The following EPS8 variants were observed in gnomAD, a reference collection of about 807,000 sequenced individuals.
EPS8 encodes epidermal growth factor receptor kinase substrate 8.
A neutral mutation model predicts 103.8 loss-of-function variants in EPS8; 42 were observed. That is an observed-to-expected ratio of 0.40 (90% CI 0.32 to 0.52). The LOEUF (loss-of-function observed/expected upper bound fraction) is 0.52, where lower values mean the gene tolerates loss of function less well. Among genes scored for constraint, EPS8 ranks in the 20% least tolerant of loss-of-function variants. The pLI is 0.40. For missense variants in EPS8, 969 were observed against 1,005.1 expected, an observed-to-expected ratio of 0.96 and a Z score of 0.49; for synonymous variants, 344 against 344.6, an observed-to-expected ratio of 1.00 and a Z score of 0.02.
chr12:15,633,944 A>C (rs73311003), intron 17 of EPS8, among the ~76,000 whole-genome samples: 24,494 of 152,086 alleles, frequency 0.16, 5,600 homozygotes, highest in African/African-American at 0.51. Flanking sequence ...TCTTTACCTA[A>C]CACCCAACTA....
intron 1 of EPS8, among the ~76,000 whole-genome samples, chr12:15,782,541 C>G (rs1336936680): frequency 1.3e-5 from 2 of 151,808 alleles, no homozygotes; most frequent in African/African-American, 4.8e-5. Context: ...AAAACACAGA[C>G]AAACCACGTA....
At chr12:15,639,502 T>C (rs1282583731) in intron 17 of EPS8, among the ~76,000 whole-genome samples, 1 of 152,116 alleles carries the variant, frequency 6.6e-6, no homozygotes, top group East Asian at 1.9e-4. Flanking sequence ...ACATAATATA[T>C]ATATGCACAT....
In EPS8 at chr12:15,776,841, T is replaced by A. The variant is rs1223295676; in HGVS notation, c.-22+12320A>T. Among the ~76,000 whole-genome samples, 1 of 152,214 alleles carries A rather than the reference T, an allele frequency of 6.6e-6. No individual in the cohort carries two copies. Among genetic ancestry groups the A allele is most frequent in the Non-Finnish European group, 1.5e-5 (1 of 68,034 alleles). Reference sequence around the variant, plus strand: ...ACCACTTGTTTTCCCAATCATTTTATCACTTTATCTATTAGTTTGGAATCT... The same window carrying A: ...ACCACTTGTTTTCCCAATCATTTTAACACTTTATCTATTAGTTTGGAATCT... On this transcript the variant is annotated intron_variant, in intron 1 of 20. Transcript: ENST00000281172. The surrounding 1 kb of genome is among the most constrained non-coding windows in gnomAD (Gnocchi z 4.2).
rs1450367559 is a variant in EPS8 at position 15,693,875 on chromosome 12, A to G, written c.-21-10903T>C. ...CATGGACACAGGGAGGGGAAAAAAT[A>G]CACACCAAGGCCTGTCAGATGGAGG... is the stretch of plus-strand genomic sequence containing the variant. On this transcript the variant is annotated intron_variant, in intron 1 of 20. Coordinates refer to ENST00000281172, the MANE Select transcript of EPS8 (RefSeq NM_004447.6). This position sits in a 1 kb window ranked among gnomAD's most constrained non-coding sequence, Gnocchi z 5.6. 2.0e-5 allele frequency among the ~76,000 whole-genome samples: 3 copies of G among 152,120 alleles called. No individual in the cohort carries two copies. The highest frequency in any genetic ancestry group is 4.4e-5 in the Non-Finnish European group (3 of 68,006).
intron 17 of EPS8, chr12:15,634,765 A>G (rs551630711): frequency 2.5e-6 from 1 of 398,858 alleles, no homozygotes; most frequent in African/African-American, 2.1e-5. Context: ...AGTAATTGCT[A>G]TTAGGAAAAT....
At chr12:15,680,599 G>T (rs1218500778) in intron 3 of EPS8, among the ~76,000 whole-genome samples, 1 of 152,012 alleles carries the variant, frequency 6.6e-6, no homozygotes, top group Non-Finnish European at 1.5e-5. Flanking sequence ...ATTCTTTATT[G>T]TTATACAATA....
At chr12:15,633,452 T>C (rs1945083801) in intron 17 of EPS8, among the ~76,000 whole-genome samples, 1 of 152,208 alleles carries the variant, frequency 6.6e-6, no homozygotes, top group Non-Finnish European at 1.5e-5. Flanking sequence ...AAAAATGCCA[T>C]GAGCCCTGCT....
chr12:15,681,168 G>T, intron 3 of EPS8, 58 bp downstream of exon 3: 1 of 857,762 alleles, frequency 1.2e-6, no homozygotes, highest in Non-Finnish European at 1.9e-6. Flanking sequence ...GTTTGAAAAT[G>T]TAATTTGTAA....
At chr12:15,625,531 C>T (rs930684720) in intron 18 of EPS8, among the ~76,000 whole-genome samples, 13 of 152,222 alleles carry the variant, frequency 8.5e-5, no homozygotes, top group South Asian at 2.1e-4. Flanking sequence ...CTCTTAATGT[C>T]GCCGAAATTC....
chr12:15,655,352 C>T (rs1346581710), intron 12 of EPS8, among the ~76,000 whole-genome samples: 1 of 152,080 alleles, frequency 6.6e-6, no homozygotes, highest in South Asian at 2.1e-4. Flanking sequence ...TTAGTAACAC[C>T]CTACACTATT....
chr12:15,679,250 T>C (rs771563048), intron 3 of EPS8, among the ~76,000 whole-genome samples: 1 of 152,158 alleles, frequency 6.6e-6, no homozygotes, highest in Admixed American at 6.5e-5. Context: ...CCTATTACTA[T>C]CCTGAGTAAA....
chr12:15,636,179 C>G (rs1190596322), intron 17 of EPS8, among the ~76,000 whole-genome samples: 1 of 152,082 alleles, frequency 6.6e-6, no homozygotes, highest in Non-Finnish European at 1.5e-5. Context: ...CAAGTAGCTT[C>G]CAGGTGGGGA....
In EPS8 at chr12:15,757,520, C is replaced by G. The variant is rs911652878; in HGVS notation, c.-22+31641G>C. On this transcript the variant is annotated intron_variant, in intron 1 of 20. Coordinates refer to ENST00000281172, the MANE Select transcript of EPS8 (RefSeq NM_004447.6). The surrounding 1 kb of genome is among the most constrained non-coding windows in gnomAD (Gnocchi z 4.1). ...TGGCGCATGCCTGTAATCCCAGTTGCTCAGGAGGCTGAGGCAGGAGAATCG... is the reference window on the plus strand; with the variant it reads ...TGGCGCATGCCTGTAATCCCAGTTGGTCAGGAGGCTGAGGCAGGAGAATCG... 6.6e-6 allele frequency among the ~76,000 whole-genome samples: 1 copy of G among 152,052 alleles called. No homozygotes were observed. Among genetic ancestry groups the G allele is most frequent in the Non-Finnish European group, 1.5e-5 (1 of 68,028 alleles).
chr12:15,765,369 TA>T (rs1212120099), intron 1 of EPS8, among the ~76,000 whole-genome samples: 1 of 152,160 alleles, frequency 6.6e-6, no homozygotes, highest in East Asian at 1.9e-4. Context: ...TTTCTACCCA[TA>T]TCAACTGGTG....
intron 1 of EPS8, among the ~76,000 whole-genome samples, chr12:15,724,837 G>C (rs1946635611): frequency 1.3e-5 from 2 of 152,144 alleles, no homozygotes; most frequent in African/African-American, 4.8e-5. Context: ...CAGCCAAATG[G>C]AACTGTGAGT....
At position 15,780,071 on chromosome 12, in the gene EPS8, A is replaced by G. The variant is rs1947244251; in HGVS notation, c.-22+9090T>C. On this transcript the variant is annotated intron_variant, in intron 1 of 20. Transcript: ENST00000281172. This position sits in a 1 kb window ranked among gnomAD's most constrained non-coding sequence, Gnocchi z 4.1. Reference sequence around the variant, plus strand: ...GTATCACAGGACTGAAAAAGAACACATGAATTTGTTTGCTACATAAAGAGC... The same window carrying G: ...GTATCACAGGACTGAAAAAGAACACGTGAATTTGTTTGCTACATAAAGAGC... 1 of 152,230 alleles carries G rather than the reference A, an allele frequency of 6.6e-6. No homozygotes were observed. The highest frequency in any genetic ancestry group is 2.4e-5 in the African/African-American group (1 of 41,468). The allele number at this position is 152,230 out of a possible 1,614,324, so 9.4% of individuals were successfully genotyped here.
At chr12:15,662,652 T>C (rs1945626076) in intron 8 of EPS8, 26 of 985,524 alleles carry the variant, frequency 2.6e-5, no homozygotes, top group Non-Finnish European at 3.0e-5. Context: ...ACAGAAATTT[T>C]CACATTAAAA....
chr12:15,658,012 C>A (rs1381824924), intron 12 of EPS8, 67 bp downstream of exon 12: 4 of 952,192 alleles, frequency 4.2e-6, no homozygotes, highest in Non-Finnish European at 6.8e-6. Flanking sequence ...TCTAGATAAT[C>A]CAGACAGACA....
At chr12:15,667,186 T>C (rs1945729020) in intron 6 of EPS8, among the ~76,000 whole-genome samples, 1 of 152,218 alleles carries the variant, frequency 6.6e-6, no homozygotes, top group Non-Finnish European at 1.5e-5. Context: ...TATTAGAATG[T>C]TGATGAGATG....
Sources: gnomAD v4.1 joint callset for allele counts (sites outside exome capture counted in the v4.1 genomes callset) on GRCh38, gnomAD v4.1.1 for gene constraint, Gnocchi (gnomAD v3.1) non-coding constraint, MANE v1.5 for transcripts, NCBI Gene and HGNC (gene_info 2026-07-23, HGNC 2026-07-21) for gene names.